The following CCDC18 variants were observed in gnomAD, a reference collection of about 807,000 sequenced individuals.
The protein encoded by CCDC18 is coiled-coil domain-containing protein 18.
CCDC18 carries 157 observed loss-of-function variants against 196.0 expected under a neutral mutation model. The ratio of observed to expected loss-of-function variants is 0.80; its 90% CI spans 0.70 to 0.91. The LOEUF (loss-of-function observed/expected upper bound fraction) is 0.91, where lower values mean the gene tolerates loss of function less well. CCDC18 is among the 40% of genes least tolerant of loss of function. The pLI is 0.00. For synonymous variants in CCDC18, 482 were observed against 529.2 expected, an observed-to-expected ratio of 0.91 and a Z score of 1.22; for missense variants, 1,465 against 1,611.6, an observed-to-expected ratio of 0.91 and a Z score of 1.56.
At chr1:93,270,908 C>T in intron 28 of CCDC18, 94 bp downstream of exon 28, 2 of 1,386,106 alleles carry the variant, frequency 1.4e-6, no homozygotes, top group Non-Finnish European at 1.9e-6. Context: ...AAATGAAAAA[C>T]TACTAATATT....
At chr1:93,237,887 G>A (rs899323812) in intron 19 of CCDC18, among the ~76,000 whole-genome samples, 21 of 152,034 alleles carry the variant, frequency 1.4e-4, no homozygotes, top group Middle Eastern at 3.2e-3. Context: ...AATTTATCTT[G>A]TGCTGAAAAT....
chr1:93,224,616 T>C (rs1464778486), intron 16 of CCDC18, among the ~76,000 whole-genome samples: 1 of 152,212 alleles, frequency 6.6e-6, no homozygotes, highest in Admixed American at 6.5e-5. Flanking sequence ...ATATACCTTA[T>C]TTAATTTGAT....
chr1:93,212,556 G>C (rs1197592418), intron 11 of CCDC18, among the ~76,000 whole-genome samples: 4 of 152,162 alleles, frequency 2.6e-5, no homozygotes, highest in Middle Eastern at 3.4e-3. Context: ...TGTGTTCTCA[G>C]ATGATAGTTT....
intron 6 of CCDC18, among the ~76,000 whole-genome samples, chr1:93,201,419 AT>A (rs974582995): frequency 6.6e-6 from 1 of 152,064 alleles, no homozygotes; most frequent in African/African-American, 2.4e-5. Context: ...TGTTGTCTAG[AT>A]TTTTATATCT....
At chr1:93,277,595 G>C (rs189276545) in intron 28 of CCDC18, among the ~76,000 whole-genome samples, 2 of 146,556 alleles carry the variant, frequency 1.4e-5, no homozygotes, top group Admixed American at 6.8e-5. Context: ...CACAGCACAC[G>C]TTTCAGAGAG....
intron 28 of CCDC18, among the ~76,000 whole-genome samples, chr1:93,273,091 C>T (rs963372133): frequency 7.3e-5 from 11 of 150,512 alleles, no homozygotes; most frequent in African/African-American, 1.2e-4. Context: ...TTTTTTGAGA[C>T]GGAGTCTGGC....
intron 27 of CCDC18, among the ~76,000 whole-genome samples, chr1:93,269,916 A>G (rs1210401472): frequency 6.6e-6 from 1 of 152,192 alleles, no homozygotes; most frequent in Non-Finnish European, 1.5e-5. Flanking sequence ...TGAGAACACA[A>G]AAAGCAGAAT....
intron 23 of CCDC18, among the ~76,000 whole-genome samples, chr1:93,254,071 GACTTC>G (rs1662606449): frequency 2.0e-5 from 3 of 152,178 alleles, no homozygotes; most frequent in South Asian, 2.1e-4. Context: ...GTAATTTACA[GACTTC>G]TATAAGCTAA....
intron 27 of CCDC18, among the ~76,000 whole-genome samples, chr1:93,269,397 T>A (rs1664983689): frequency 1.3e-5 from 2 of 150,478 alleles, no homozygotes; most frequent in African/African-American, 4.9e-5. Flanking sequence ...GCACGTTGAG[T>A]ACATGTACCC....
rs1021876133 is a variant in CCDC18, at chr1:93,201,828, G to T, written c.699-64G>T. 232 of 1,018,034 alleles carry T rather than the reference G, an allele frequency of 2.3e-4. 2 individuals carry two copies. The highest frequency in any genetic ancestry group is 5.1e-5 in the Non-Finnish European group (36 of 701,828). 63.1% of individuals were successfully genotyped at this position (1,018,034 alleles called of 1,614,324 possible). A position where few individuals can be genotyped will look rare whatever the true frequency, so the allele number is the denominator to read the frequency against. On this transcript the variant is annotated intron_variant, in intron 6 of 28. Coordinates refer to ENST00000690025, the MANE Select transcript of CCDC18 (RefSeq NM_001378204.1). Reference sequence around the variant, plus strand: ...TTCCTTATAATTAAAGATTACTTTGGAACTTAACTCTTCAAATGCAGAGCA... The same window carrying T: ...TTCCTTATAATTAAAGATTACTTTGTAACTTAACTCTTCAAATGCAGAGCA...
chr1:93,223,276 T>G (rs1657744604), intron 16 of CCDC18, among the ~76,000 whole-genome samples: 1 of 152,192 alleles, frequency 6.6e-6, no homozygotes, highest in Non-Finnish European at 1.5e-5. Context: ...GATGTTGGAT[T>G]TTATTCCTTT....
intron 28 of CCDC18, among the ~76,000 whole-genome samples, chr1:93,274,389 G>A (rs1192137503): frequency 7.2e-5 from 11 of 152,014 alleles, no homozygotes; most frequent in Admixed American, 5.2e-4. Flanking sequence ...GTGACAGAGC[G>A]AGACTCCATC....
rs1229053176 is a variant in CCDC18, at chr1:93,221,878, T to C, written c.2117T>C (p.Met706Thr). ...ESKGEMKKENMKKDEALKALQ... is the reference protein window; with the variant it reads ...ESKGEMKKENTKKDEALKALQ... Reference sequence around the variant, plus strand: ...TTTTAGGAAATGAAAAAGGAAAATATGAAGAAAGATGAAGCTTTAAAAGCA... The same window carrying C: ...TTTTAGGAAATGAAAAAGGAAAATACGAAGAAAGATGAAGCTTTAAAAGCA... Residue 706 changes from methionine to threonine, a missense_variant, in exon 16 of 29, where the codon ATG (methionine) becomes ACG (threonine). Physicochemically the swap from Met to Thr is moderately conservative, Grantham distance 81. Coordinates refer to ENST00000690025, the MANE Select transcript of CCDC18 (RefSeq NM_001378204.1). 9 of 1,601,598 alleles carry C rather than the reference T, an allele frequency of 5.6e-6. No individual in the cohort carries two copies. Among genetic ancestry groups the C allele is most frequent in the African/African-American group, 2.7e-5 (2 of 74,086 alleles).
chr1:93,269,954 A>G (rs1254071794), intron 27 of CCDC18, among the ~76,000 whole-genome samples: 2 of 152,200 alleles, frequency 1.3e-5, no homozygotes, highest in Non-Finnish European at 2.9e-5. Flanking sequence ...CCTACTGGAA[A>G]TTCTGAAAGG....
In CCDC18 at chr1:93,246,165, TAAAG is replaced by T. The variant is rs751359942; in HGVS notation, c.3044_3047del (p.Lys1015ArgfsTer6). 12 of 1,605,660 alleles carry T rather than the reference TAAAG, an allele frequency of 7.5e-6. No homozygotes were observed. Among genetic ancestry groups the T allele is most frequent in the Non-Finnish European group, 7.7e-6 (9 of 1,176,234 alleles). Reference sequence around the variant, plus strand: ...AGCTCCTTGAAATGGATCAGGCACTTAAAGAGAGAAATTGGGAACTAAAGCAAAG... The same window carrying T: ...AGCTCCTTGAAATGGATCAGGCACTTAGAGAAATTGGGAACTAAAGCAAAG... On this transcript the variant is annotated frameshift_variant, in exon 22 of 29. Coordinates refer to ENST00000690025, the MANE Select transcript of CCDC18 (RefSeq NM_001378204.1). LOFTEE classifies it high-confidence loss of function.
intron 28 of CCDC18, chr1:93,271,032 A>T (rs1665214386): frequency 1.0e-6 from 1 of 984,470 alleles, no homozygotes; most frequent in Admixed American, 6.2e-5. Context: ...AGGGAGACAG[A>T]ACAGGAAGTA....
intron 28 of CCDC18, among the ~76,000 whole-genome samples, chr1:93,273,279 A>T (rs1431069729): frequency 1.3e-5 from 2 of 152,176 alleles, no homozygotes; most frequent in Non-Finnish European, 2.9e-5. Context: ...TGTGTTAGCC[A>T]GGATGGTCTC....
At chr1:93,263,196 T>C (rs1456363800) in intron 26 of CCDC18, among the ~76,000 whole-genome samples, 1 of 152,182 alleles carries the variant, frequency 6.6e-6, no homozygotes, top group Non-Finnish European at 1.5e-5. Context: ...TGAAATGGCC[T>C]GGAGTCATTT....
Position 93,278,495 on chromosome 1 carries a change from T to C in CCDC18, c.*18T>C. The C allele has an allele frequency of 7.8e-7, 1 of 1,280,826 alleles. No homozygotes were observed. 79.3% of individuals were successfully genotyped at this position (1,280,826 alleles called of 1,614,324 possible). A position where few individuals can be genotyped will look rare whatever the true frequency, so the allele number is the denominator to read the frequency against. On this transcript the variant is annotated 3_prime_UTR_variant, in exon 29 of 29. Transcript: ENST00000690025. The stretch of plus-strand genomic sequence containing the variant: ...ATGTGTAATTCAAAGAAGATACTGA[T>C]GTGTTGAAAAAATGGAATTTTTGGT...
Sources: gnomAD v4.1 joint callset for allele counts (sites outside exome capture counted in the v4.1 genomes callset) on GRCh38, gnomAD v4.1.1 for gene constraint, MANE v1.5 for transcripts, NCBI Gene and HGNC (gene_info 2026-07-23, HGNC 2026-07-21) for gene names.